Variants in PHIP observed in about 807,000 individuals in gnomAD.
The protein encoded by PHIP is PH-interacting protein.
PHIP carries 54 observed loss-of-function variants against 236.8 expected under a neutral mutation model. That is an observed-to-expected ratio of 0.23 (90% CI 0.18 to 0.29). The LOEUF is 0.29. PHIP is among the 10% of genes least tolerant of loss of function. PHIP has a pLI of 1.00. For synonymous variants in PHIP, 756 were observed against 718.9 expected (o/e 1.05, Z -0.83); for missense variants, 1,370 against 2,190.8 (o/e 0.63, Z 7.48).
chr6:79,024,677 C>T (rs749507242), intron 9 of PHIP, among the ~76,000 whole-genome samples: 6 of 151,988 alleles, frequency 3.9e-5, no homozygotes, highest in Admixed American at 1.3e-4. Flanking sequence ...TGGTGGCGGG[C>T]GCCTGTAGTC....
chr6:78,971,063 A>G (rs1005133032), intron 24 of PHIP, among the ~76,000 whole-genome samples, 175 bp from the exon 25 acceptor site: 1 of 152,156 alleles, frequency 6.6e-6, no homozygotes, highest in Non-Finnish European at 1.5e-5. Context: ...AATCATAACC[A>G]AAGTGTTCTA....
chr6:79,053,712 T>C (rs1445301844), intron 6 of PHIP, among the ~76,000 whole-genome samples: 1 of 152,100 alleles, frequency 6.6e-6, no homozygotes, highest in Non-Finnish European at 1.5e-5. Flanking sequence ...GAAAATAATA[T>C]CATAATTTGC....
At chr6:78,961,645 A>T (rs1341451718) in intron 31 of PHIP, 45 bp downstream of exon 31, 1 of 1,592,550 alleles carries the variant, frequency 6.3e-7, no homozygotes, top group East Asian at 2.3e-5. Flanking sequence ...GGGTGGAAAG[A>T]TCACCAGCTT....
chr6:79,052,071 A>C (rs1772821055), intron 6 of PHIP, among the ~76,000 whole-genome samples: 1 of 152,208 alleles, frequency 6.6e-6, no homozygotes, highest in South Asian at 2.1e-4. Context: ...CTAGCAGGGA[A>C]GAAAGACATG....
At chr6:78,980,073 A>T (rs953941023) in intron 23 of PHIP, among the ~76,000 whole-genome samples, 1 of 151,956 alleles carries the variant, frequency 6.6e-6, no homozygotes, top group South Asian at 2.1e-4. Flanking sequence ...GCATAGTACG[A>T]TCTCACTTAT....
chr6:79,075,137 GCTGA>G (rs1396325196), intron 4 of PHIP, among the ~76,000 whole-genome samples: 1 of 152,054 alleles, frequency 6.6e-6, no homozygotes, highest in Non-Finnish European at 1.5e-5. Flanking sequence ...CTTTGCATGT[GCTGA>G]CTTAGATATT....
intron 23 of PHIP, among the ~76,000 whole-genome samples, chr6:78,981,317 T>C (rs558947708): frequency 1.3e-5 from 2 of 152,034 alleles, no homozygotes; most frequent in Non-Finnish European, 2.9e-5. Context: ...AATACTTTTA[T>C]GTTTATTTGA....
chr6:79,009,041 T>C (rs1770440284), intron 15 of PHIP, among the ~76,000 whole-genome samples: 1 of 152,146 alleles, frequency 6.6e-6, no homozygotes, highest in Non-Finnish European at 1.5e-5. Context: ...TAATATTTCA[T>C]GACTAATTAA....
Position 79,065,195 on chromosome 6 carries a change from T to G in PHIP, c.190-4377A>C, listed in dbSNP as rs147044326. 1.7e-3 allele frequency among the ~76,000 whole-genome samples: 265 copies of G among 152,358 alleles called. 1 individual carries two copies. The highest frequency in any genetic ancestry group is 6.0e-3 in the African/African-American group (251 of 41,580). ...TGCATACCTTTCCCATATGCACTCA[T>G]GCCCCATTCAAATCTATTCTCTATA... On this transcript the variant is annotated intron_variant, in intron 4 of 39. Coordinates refer to ENST00000275034, the MANE Select transcript of PHIP (RefSeq NM_017934.7).
Position 79,015,705 on chromosome 6 carries a change from T to C in PHIP, c.1314A>G (p.Thr438=). 1.2e-6 allele frequency: 2 copies of C among 1,603,020 alleles called. No individual in the cohort carries two copies. The highest frequency in any genetic ancestry group is 1.3e-5 in the African/African-American group (1 of 74,772). The change falls in exon 14 of 40, where the codon ACA becomes ACG. Residue 438 remains threonine (T), a synonymous_variant. Transcript: ENST00000275034. ...TMVAWDRHDN[T]VITAVNNMTL... Reference sequence around the variant, plus strand: ...TCATGTTATTAACTGCAGTTATAACTGTATTGTCATGTCGATCCCAAGCTA... The same window carrying C: ...TCATGTTATTAACTGCAGTTATAACCGTATTGTCATGTCGATCCCAAGCTA...
intron 23 of PHIP, among the ~76,000 whole-genome samples, chr6:78,979,481 GGAGTT>G (rs1768359679): frequency 6.6e-6 from 1 of 151,922 alleles, no homozygotes; most frequent in South Asian, 2.1e-4. Flanking sequence ...TATTCTCATA[GGAGTT>G]GAGTAGTGCA....
intron 4 of PHIP, among the ~76,000 whole-genome samples, chr6:79,073,123 G>A (rs1773971533): frequency 6.6e-6 from 1 of 152,116 alleles, no homozygotes; most frequent in African/African-American, 2.4e-5. Flanking sequence ...TTATGCTCAT[G>A]CCGCTTTACA....
At chr6:78,964,780 C>A (rs1481093446) in intron 29 of PHIP, among the ~76,000 whole-genome samples, 1 of 152,118 alleles carries the variant, frequency 6.6e-6, no homozygotes, top group Non-Finnish European at 1.5e-5. Context: ...TGTGAGCCAC[C>A]ACTCCTGCCC....
intron 1 of PHIP, 45 bp from the exon 2 acceptor site, chr6:79,077,958 G>T: frequency 6.3e-7 from 1 of 1,585,146 alleles, no homozygotes; most frequent in Non-Finnish European, 8.6e-7. Flanking sequence ...CTGAGCGGTC[G>T]GGCGGCGGGG....
At chr6:78,967,270 C>T (rs1440310249) in intron 27 of PHIP, among the ~76,000 whole-genome samples, 1 of 152,148 alleles carries the variant, frequency 6.6e-6, no homozygotes, top group African/African-American at 2.4e-5. Context: ...TCCTCAGATG[C>T]ATACTAGTGA....
chr6:78,943,983 CTTT>C (rs201550604), intron 39 of PHIP, among the ~76,000 whole-genome samples: 36 of 95,828 alleles, frequency 3.8e-4, no homozygotes, highest in East Asian at 2.1e-3. Flanking sequence ...AAGATCCTGT[CTTT>C]TTTTAAAAAA....
chr6:78,970,508 A>C (rs1767462032), intron 25 of PHIP, among the ~76,000 whole-genome samples: 1 of 152,186 alleles, frequency 6.6e-6, no homozygotes, highest in Admixed American at 6.5e-5. Flanking sequence ...AAATTTACGA[A>C]TACAAAGCTT....
chr6:79,055,762 T>A (rs1458619487), intron 6 of PHIP, among the ~76,000 whole-genome samples: 2 of 152,194 alleles, frequency 1.3e-5, no homozygotes, highest in African/African-American at 4.8e-5. Flanking sequence ...TAAAACAGGA[T>A]AAGAAAACAC....
chr6:79,010,736 A>G (rs975378937), intron 15 of PHIP, among the ~76,000 whole-genome samples: 1 of 151,868 alleles, frequency 6.6e-6, no homozygotes, highest in African/African-American at 2.4e-5. Flanking sequence ...TACTAAAAAC[A>G]TGGGGTCTAC....
Sources: allele counts gnomAD v4.1 joint callset (sites outside exome capture counted in the v4.1 genomes callset), GRCh38; gene constraint gnomAD v4.1.1; transcripts MANE v1.5; gene names NCBI Gene and HGNC (gene_info 2026-07-23, HGNC 2026-07-21).